The following DCAF8 variants were observed in gnomAD, a reference collection of about 807,000 sequenced individuals.
DCAF8 encodes DDB1 and CUL4 associated factor 8.
Under a neutral mutation model 68.0 loss-of-function variants are expected in DCAF8, and 20 were observed. The observed-to-expected ratio is 0.29, with a 90% CI of 0.21 to 0.43. DCAF8 has a LOEUF of 0.43. Ranked by LOEUF, DCAF8 falls within the 20% of genes least tolerant of loss-of-function variation. The pLI, the probability that DCAF8 is intolerant of heterozygous loss-of-function variation, is 1.00. For synonymous variants in DCAF8, 230 were observed against 276.9 expected (o/e 0.83, Z 1.68); for missense variants, 460 against 771.0 (o/e 0.60, Z 4.78).
At chr1:160,232,631 ACT>A (rs201094668) in intron 6 of DCAF8, among the ~76,000 whole-genome samples, 3,586 of 149,458 alleles carry the variant, frequency 0.024, 55 homozygotes, top group East Asian at 0.091. Context: ...GCAGAGGGAG[ACT>A]CTGTCTCAAA....
chr1:160,230,435 G>A (rs940248764), intron 7 of DCAF8, among the ~76,000 whole-genome samples: 2 of 152,142 alleles, frequency 1.3e-5, no homozygotes, highest in African/African-American at 4.8e-5. Context: ...TACATATGGA[G>A]ACTGAATCCA....
chr1:160,237,234 A>G lies in DCAF8; in HGVS notation c.865-5T>C. On this transcript the variant is annotated splice_region_variant and splice_polypyrimidine_tract_variant and intron_variant, in intron 5 of 13. Coordinates refer to ENST00000368074, the MANE Select transcript of DCAF8 (RefSeq NM_015726.4). ...AGAGTCTGGTTCCAGTGCCAACTGA[A>G]GAAGAAAAAGGAAAAACATGAGGTT... 2 of 1,550,940 alleles carry G rather than the reference A, an allele frequency of 1.3e-6. No individual in the cohort carries two copies. The highest frequency in any genetic ancestry group is 1.7e-6 in the Non-Finnish European group (2 of 1,143,560).
intron 2 of DCAF8, among the ~76,000 whole-genome samples, chr1:160,251,135 CCT>C (rs1656575792): frequency 1.3e-5 from 2 of 152,134 alleles, no homozygotes; most frequent in South Asian, 4.1e-4. Flanking sequence ...TTTAGAATTT[CCT>C]CTGAAAGAAG....
chr1:160,232,662 AT>A (rs1655735243), intron 6 of DCAF8, among the ~76,000 whole-genome samples: 3 of 151,528 alleles, frequency 2.0e-5, no homozygotes, highest in African/African-American at 7.3e-5. Flanking sequence ...AAAAATTGTT[AT>A]AAAAAATTAG....
At chr1:160,237,331 C>A in intron 5 of DCAF8, 102 bp from the exon 6 acceptor site, 1 of 774,660 alleles carries the variant, frequency 1.3e-6, no homozygotes, top group Non-Finnish European at 2.1e-6. Context: ...TAAAATGTTC[C>A]AAAAAGAGAA....
intron 3 of DCAF8, among the ~76,000 whole-genome samples, chr1:160,242,541 T>A (rs1179768363): frequency 6.6e-6 from 1 of 152,128 alleles, no homozygotes; most frequent in Non-Finnish European, 1.5e-5. Flanking sequence ...ATAGACAATT[T>A]TGGAGGCCTT....
intron 3 of DCAF8, among the ~76,000 whole-genome samples, chr1:160,243,565 A>G (rs937808008): frequency 6.6e-6 from 1 of 151,926 alleles, no homozygotes; most frequent in Non-Finnish European, 1.5e-5. Context: ...CTATCAAACT[A>G]CTACTTACTG....
intron 2 of DCAF8, among the ~76,000 whole-genome samples, chr1:160,244,427 G>A (rs1469672033): frequency 6.6e-6 from 1 of 152,176 alleles, no homozygotes; most frequent in African/African-American, 2.4e-5. Flanking sequence ...CCCTAGGCAA[G>A]AATCTTCCAA....
chr1:160,260,863 T>C (rs1361524986), intron 2 of DCAF8, among the ~76,000 whole-genome samples: 2 of 152,004 alleles, frequency 1.3e-5, no homozygotes, highest in East Asian at 3.8e-4. Context: ...CTCCTCTAAA[T>C]ACCAAGGGAT....
chr1:160,235,637 A>G (rs1302406258), intron 6 of DCAF8, among the ~76,000 whole-genome samples: 2 of 152,022 alleles, frequency 1.3e-5, no homozygotes, highest in East Asian at 3.8e-4. Context: ...TTATATATAC[A>G]TACAAGTATA....
At chr1:160,261,915 C>G (rs946066104) in intron 1 of DCAF8, 5 of 158,968 alleles carry the variant, frequency 3.1e-5, no homozygotes, top group Non-Finnish European at 6.9e-5. Context: ...CTCCGCCTTC[C>G]GTACAAGGTG....
chr1:160,217,337 G>A lies in DCAF8; in HGVS notation c.*255C>T, dbSNP rs942148405. On this transcript the variant is annotated 3_prime_UTR_variant, in exon 14 of 14. Coordinates refer to ENST00000368074, the MANE Select transcript of DCAF8 (RefSeq NM_015726.4). Reference sequence around the variant, plus strand: ...GGCTTCCCTCTCCTCTCAAAAAGAGGCTTTGGGGAGAGGCCATTTCTGCCG... The same window carrying A: ...GGCTTCCCTCTCCTCTCAAAAAGAGACTTTGGGGAGAGGCCATTTCTGCCG... The A allele has an allele frequency of 2.3e-5, 9 of 385,986 alleles. No homozygotes were observed. Among genetic ancestry groups the A allele is most frequent in the Non-Finnish European group, 3.2e-5 (7 of 217,788 alleles). 23.9% of individuals were successfully genotyped at this position (385,986 alleles called of 1,614,324 possible).
intron 3 of DCAF8, among the ~76,000 whole-genome samples, chr1:160,243,712 A>C (rs888221334): frequency 1.3e-5 from 2 of 152,146 alleles, no homozygotes; most frequent in African/African-American, 4.8e-5. Flanking sequence ...GCTTTATAGA[A>C]CTCCAAACCA....
intron 3 of DCAF8, 108 bp downstream of exon 3, chr1:160,243,852 A>G (rs1656215841): frequency 9.4e-7 from 1 of 1,068,836 alleles, no homozygotes; most frequent in Non-Finnish European, 1.4e-6. Context: ...ACAACACAGG[A>G]AAGTTTCCCT....
In DCAF8 at chr1:160,216,176, G is replaced by T. The variant is rs1571074247; in HGVS notation, c.*1416C>A. The T allele has an allele frequency of 6.6e-6, 1 of 151,920 alleles. No individual in the cohort carries two copies. Among genetic ancestry groups the T allele is most frequent in the Non-Finnish European group, 1.5e-5 (1 of 67,996 alleles). 9.4% of individuals were successfully genotyped at this position (151,920 alleles called of 1,614,324 possible). On this transcript the variant is annotated 3_prime_UTR_variant, in exon 14 of 14. Coordinates refer to ENST00000368074, the MANE Select transcript of DCAF8 (RefSeq NM_015726.4). ...CCTCAATCCTAAAATATCAAGAGGT[G>T]GACAAGGTTTAAGTCAAACCCAGGA... is the stretch of plus-strand genomic sequence containing the variant.
intron 6 of DCAF8, among the ~76,000 whole-genome samples, chr1:160,232,169 C>A (rs549680656): frequency 1.1e-4 from 17 of 151,918 alleles, no homozygotes; most frequent in African/African-American, 3.1e-4. Context: ...GAGATCATGC[C>A]ACGGTACTCC....
rs1050651947 is a variant in DCAF8 at position 160,219,183 on chromosome 1, C to G, written c.1441-215G>C. On this transcript the variant is annotated intron_variant, in intron 11 of 13. Transcript: ENST00000368074. The stretch of plus-strand genomic sequence containing the variant: ...TAAGACCAGGCACATCAATCATTTC[C>G]TATGTATAGGTCGGGGGTGGCTTCA... The G allele has an allele frequency of 1.1e-4, 63 of 570,876 alleles. No homozygotes were observed. The East Asian group carries it at 1.9e-3, about 17-fold the overall frequency. The allele number at this position is 570,876 out of a possible 1,614,324, so 35.4% of individuals were successfully genotyped here.
At chr1:160,241,413 T>C (rs565010727) in intron 3 of DCAF8, among the ~76,000 whole-genome samples, 1 of 152,354 alleles carries the variant, frequency 6.6e-6, no homozygotes, top group South Asian at 2.1e-4. Flanking sequence ...ATAAAATTGA[T>C]AAAAAGCTGG....
intron 2 of DCAF8, among the ~76,000 whole-genome samples, chr1:160,259,256 C>T (rs551955432): frequency 4.6e-5 from 7 of 152,268 alleles, no homozygotes; most frequent in Non-Finnish European, 8.8e-5. Context: ...ACTCTTTGGC[C>T]GGGCATGGTG....
Sources: gnomAD v4.1 joint callset for allele counts (sites outside exome capture counted in the v4.1 genomes callset) on GRCh38, gnomAD v4.1.1 for gene constraint, MANE v1.5 for transcripts, NCBI Gene and HGNC (gene_info 2026-07-23, HGNC 2026-07-21) for gene names.